Variants in CFDP1 observed in about 807,000 individuals in gnomAD.
CFDP1 encodes heterochromatin-stabilizing protein CFDP1.
A neutral mutation model predicts 40.1 loss-of-function variants in CFDP1; 31 were observed. That is an observed-to-expected ratio of 0.77 (90% CI 0.58 to 1.04). The LOEUF is 1.04. Ranked by LOEUF, CFDP1 falls within the 50% of genes least tolerant of loss-of-function variation. The pLI, the probability that CFDP1 is intolerant of heterozygous loss-of-function variation, is 0.00. For synonymous variants in CFDP1, 167 were observed against 120.0 expected (o/e 1.39, Z -2.56); for missense variants, 423 against 343.4 (o/e 1.23, Z -1.83).
chr16:75,326,046 GGA>G (rs1184565653), intron 5 of CFDP1, among the ~76,000 whole-genome samples: 1 of 152,226 alleles, frequency 6.6e-6, no homozygotes, highest in East Asian at 1.9e-4. Context: ...ACAGAATTAA[GGA>G]GAAGTCTGGA....
At chr16:75,364,120 A>G (rs958537831) in intron 5 of CFDP1, among the ~76,000 whole-genome samples, 2 of 152,118 alleles carry the variant, frequency 1.3e-5, no homozygotes, top group Non-Finnish European at 2.9e-5. Flanking sequence ...GTGAAATTAA[A>G]AAAACAAAAC....
At chr16:75,360,552 C>T (rs1022560374) in intron 5 of CFDP1, among the ~76,000 whole-genome samples, 1 of 152,196 alleles carries the variant, frequency 6.6e-6, no homozygotes. Flanking sequence ...ATCGCATTAA[C>T]CCCCAATGGG....
chr16:75,418,269 A>G (rs1333924542), intron 1 of CFDP1, among the ~76,000 whole-genome samples: 2 of 150,892 alleles, frequency 1.3e-5, no homozygotes, highest in Non-Finnish European at 3.0e-5. Flanking sequence ...AAAAAAAAAA[A>G]AAAAAAGAAT....
chr16:75,391,374 AC>A (rs1212431248), intron 5 of CFDP1: 2 of 152,220 alleles, frequency 1.3e-5, no homozygotes, highest in Non-Finnish European at 2.9e-5. Context: ...AATACCACAT[AC>A]AAACCTGGCA....
rs1396371429 is a variant in CFDP1, at chr16:75,433,450, A to ACGGCAG, written c.-104_-99dup. ...AGACCATAGAGCCCCGGCGGCGGCGACGGCAGCTAGGGCGGCCCCCGACAG... is the reference window on the plus strand; with the variant it reads ...AGACCATAGAGCCCCGGCGGCGGCGACGGCAGCGGCAGCTAGGGCGGCCCCCGACAG... On this transcript the variant is annotated 5_prime_UTR_variant, in exon 1 of 7. Coordinates refer to ENST00000283882, the MANE Select transcript of CFDP1 (RefSeq NM_006324.3). 8.0e-7 allele frequency: 1 copy of ACGGCAG among 1,256,204 alleles called. No individual in the cohort carries two copies. Among genetic ancestry groups the ACGGCAG allele is most frequent in the Non-Finnish European group, 1.1e-6 (1 of 893,930 alleles). 77.8% of individuals were successfully genotyped at this position (1,256,204 alleles called of 1,614,324 possible). A position where few individuals can be genotyped will look rare whatever the true frequency, so the allele number is the denominator to read the frequency against.
chr16:75,367,654 G>A (rs1272720741), intron 5 of CFDP1, among the ~76,000 whole-genome samples: 1 of 151,712 alleles, frequency 6.6e-6, no homozygotes, highest in African/African-American at 2.4e-5. Flanking sequence ...TTAGCCGGTC[G>A]TGGTGGCAGG....
chr16:75,428,978 G>A (rs894425011), intron 1 of CFDP1, among the ~76,000 whole-genome samples: 1 of 151,582 alleles, frequency 6.6e-6, no homozygotes, highest in Non-Finnish European at 1.5e-5. Context: ...TTAGCCAGGC[G>A]TGGTGGCATG....
chr16:75,297,146 T>TGTGTGTG (rs1491503380), intron 6 of CFDP1, among the ~76,000 whole-genome samples: 8,475 of 132,756 alleles, frequency 0.064, 786 homozygotes, highest in Non-Finnish European at 0.086. Flanking sequence ...TTCCCATTTC[T>TGTGTGTG]TGTGTGTGTG....
At chr16:75,387,344 T>C (rs1162728906) in intron 5 of CFDP1, among the ~76,000 whole-genome samples, 1 of 152,158 alleles carries the variant, frequency 6.6e-6, no homozygotes, top group Non-Finnish European at 1.5e-5. Context: ...GGTTTCACCG[T>C]GTTAGCCAGG....
chr16:75,296,025 G>A (rs2078179562), intron 6 of CFDP1, among the ~76,000 whole-genome samples: 1 of 152,140 alleles, frequency 6.6e-6, no homozygotes, highest in African/African-American at 2.4e-5. Flanking sequence ...ACGGGGACCA[G>A]GATTTTGACA....
chr16:75,418,760 A>T (rs1280119807), intron 1 of CFDP1, among the ~76,000 whole-genome samples: 1 of 150,052 alleles, frequency 6.7e-6, no homozygotes, highest in Non-Finnish European at 1.5e-5. Context: ...AACTCATTTC[A>T]GGTCTGAGGC....
At chr16:75,391,917 G>A (rs1448392112) in intron 5 of CFDP1, among the ~76,000 whole-genome samples, 3 of 151,834 alleles carry the variant, frequency 2.0e-5, no homozygotes, top group Non-Finnish European at 2.9e-5. Context: ...GCAGTGAGCC[G>A]AGATCGCGCC....
intron 5 of CFDP1, among the ~76,000 whole-genome samples, chr16:75,365,021 A>G (rs145399706): frequency 2.0e-5 from 3 of 152,330 alleles, no homozygotes; most frequent in African/African-American, 7.2e-5. Flanking sequence ...TGTGACTATA[A>G]TGTGTTGTGG....
At chr16:75,401,641 G>A (rs924383157) in intron 4 of CFDP1, among the ~76,000 whole-genome samples, 3 of 152,070 alleles carry the variant, frequency 2.0e-5, no homozygotes, top group African/African-American at 7.2e-5. Flanking sequence ...AAATCACTGT[G>A]AAGTTTCAGA....
At chr16:75,430,890 G>T (rs985477176) in intron 1 of CFDP1, among the ~76,000 whole-genome samples, 2 of 152,204 alleles carry the variant, frequency 1.3e-5, no homozygotes, top group African/African-American at 4.8e-5. Context: ...CAATGAGGCA[G>T]GTTCAGCCCC....
intron 5 of CFDP1, among the ~76,000 whole-genome samples, chr16:75,349,465 T>C (rs556371462): frequency 6.7e-6 from 1 of 149,876 alleles, no homozygotes; most frequent in Admixed American, 6.7e-5. Flanking sequence ...GCCAGGATCA[T>C]GCCACTGCAC....
intron 1 of CFDP1, among the ~76,000 whole-genome samples, chr16:75,417,694 T>A (rs1033074213): frequency 1.3e-5 from 2 of 152,094 alleles, no homozygotes; most frequent in African/African-American, 4.8e-5. Context: ...ATTCAAAAGT[T>A]TGAATAAATA....
chr16:75,391,833 G>C (rs2078954257), intron 5 of CFDP1, among the ~76,000 whole-genome samples: 1 of 152,026 alleles, frequency 6.6e-6, no homozygotes, highest in South Asian at 2.1e-4. Context: ...GCCAGGTGTG[G>C]TGGCGGGCGC....
At chr16:75,393,164 C>T (rs1197430974) in intron 5 of CFDP1, among the ~76,000 whole-genome samples, 1 of 152,300 alleles carries the variant, frequency 6.6e-6, no homozygotes, top group South Asian at 2.1e-4. Flanking sequence ...ACATCCCACT[C>T]TCCTCAGCCC....
Sources: gnomAD v4.1 joint callset for allele counts (sites outside exome capture counted in the v4.1 genomes callset) on GRCh38, gnomAD v4.1.1 for gene constraint, MANE v1.5 for transcripts, NCBI Gene and HGNC (gene_info 2026-07-23, HGNC 2026-07-21) for gene names.